The following TCERG1L variants were observed in gnomAD, a reference collection of about 807,000 sequenced individuals.
The protein encoded by TCERG1L is transcription elongation regulator 1-like protein.
TCERG1L carries 37 observed loss-of-function variants against 56.3 expected under a neutral mutation model. The observed-to-expected ratio is 0.66, with a 90% CI of 0.51 to 0.87. The LOEUF (loss-of-function observed/expected upper bound fraction) is 0.87. Among genes scored for constraint, TCERG1L ranks in the 40% least tolerant of loss-of-function variants. The pLI, the probability that TCERG1L is intolerant of heterozygous loss-of-function variation, is 0.00. For missense variants in TCERG1L, 799 were observed against 774.2 expected (o/e 1.03, Z -0.38); for synonymous variants, 324 against 326.3 (o/e 0.99, Z 0.08).
chr10:131,153,995 G>A (rs926605066), intron 6 of TCERG1L, among the ~76,000 whole-genome samples: 4 of 152,114 alleles, frequency 2.6e-5, no homozygotes, highest in African/African-American at 7.2e-5. Flanking sequence ...CCATCCACTC[G>A]TTACGGTTGG....
At chr10:131,257,082 TGTGA>T (rs1337262273) in intron 4 of TCERG1L, among the ~76,000 whole-genome samples, 1 of 147,372 alleles carries the variant, frequency 6.8e-6, no homozygotes, top group Non-Finnish European at 1.5e-5. Flanking sequence ...AAAAAAGTTC[TGTGA>T]GTAAGTGGAA....
At chr10:131,159,832 C>T (rs145424845) in intron 6 of TCERG1L, among the ~76,000 whole-genome samples, 68 of 152,190 alleles carry the variant, frequency 4.5e-4, no homozygotes, top group Non-Finnish European at 7.6e-4. Context: ...TGACAGAGCA[C>T]GCGGCCACAG....
At chr10:131,163,818 A>T (rs1282536521) in intron 5 of TCERG1L, among the ~76,000 whole-genome samples, 1 of 152,158 alleles carries the variant, frequency 6.6e-6, no homozygotes, top group Non-Finnish European at 1.5e-5. Flanking sequence ...GTTGGTCCAC[A>T]TTTCCATTAA....
At chr10:131,102,102 A>G (rs1443016213) in intron 10 of TCERG1L, among the ~76,000 whole-genome samples, 1 of 152,248 alleles carries the variant, frequency 6.6e-6, no homozygotes, top group African/African-American at 2.4e-5. Context: ...AAAATTATAT[A>G]ACACCCAAAC....
At chr10:131,211,815 ACGGCG>A (rs1845623985) in intron 4 of TCERG1L, among the ~76,000 whole-genome samples, 1 of 152,174 alleles carries the variant, frequency 6.6e-6, no homozygotes, top group African/African-American at 2.4e-5. Flanking sequence ...TCTAGTGCAG[ACGGCG>A]GCTGGGAGCA....
In TCERG1L at chr10:131,280,398, G is replaced by A. The variant is rs139798159; in HGVS notation, c.671-19954C>T. On this transcript the variant is annotated intron_variant, in intron 3 of 11. Coordinates refer to ENST00000368642, the MANE Select transcript of TCERG1L (RefSeq NM_174937.4). ...ATGAACCTTGGTTTGGTCTGGAAAC[G>A]AGGGACAACCCAAAGCCAAGTTGGG... Among the ~76,000 whole-genome samples, 98 of 144,060 alleles carry A rather than the reference G, an allele frequency of 6.8e-4. No homozygotes were observed. The East Asian group carries it at 0.014, about 21-fold the overall frequency. 94.5% of individuals were successfully genotyped at this position (144,060 alleles called of 152,430 possible). A position where few individuals can be genotyped will look rare whatever the true frequency, so the allele number is the denominator to read the frequency against.
intron 6 of TCERG1L, among the ~76,000 whole-genome samples, chr10:131,149,390 C>A (rs1202733008): frequency 3.3e-5 from 5 of 151,680 alleles, no homozygotes; most frequent in Non-Finnish European, 1.5e-5. Context: ...GCCAGGGATA[C>A]CTGACCTCTG....
At chr10:131,124,779 T>C (rs936260433) in intron 8 of TCERG1L, among the ~76,000 whole-genome samples, 2 of 152,186 alleles carry the variant, frequency 1.3e-5, no homozygotes, top group African/African-American at 4.8e-5. Context: ...GAGGGAACGC[T>C]GGGCGCTAAT....
rs34870419 is a variant in TCERG1L at position 131,144,583 on chromosome 10, TA to T, written c.1189+1922del. Reference sequence around the variant, plus strand: ...ATTTGCATATCCTTAAGATTCAGGTTAAAAAAAAAAAGACTGGTTGAAAACA... The same window carrying T: ...ATTTGCATATCCTTAAGATTCAGGTTAAAAAAAAAAGACTGGTTGAAAACA... On this transcript the variant is annotated intron_variant, in intron 7 of 11. Transcript: ENST00000368642. Among the ~76,000 whole-genome samples the T allele has an allele frequency of 0.017, 2,524 of 145,512 alleles. 165 individuals carry two copies. In the East Asian group the frequency reaches 0.24, roughly 14 times the overall value.
intron 4 of TCERG1L, among the ~76,000 whole-genome samples, chr10:131,169,374 C>T (rs1173697826): frequency 1.3e-5 from 2 of 152,146 alleles, no homozygotes; most frequent in Non-Finnish European, 2.9e-5. Flanking sequence ...GACTGAGGCA[C>T]AAGGGGGCAC....
chr10:131,094,149 C>T (rs973220867), intron 11 of TCERG1L, among the ~76,000 whole-genome samples: 6 of 152,194 alleles, frequency 3.9e-5, no homozygotes, highest in Admixed American at 6.5e-5. Flanking sequence ...CACCGGGCCC[C>T]GCAACTTCCT....
intron 1 of TCERG1L, among the ~76,000 whole-genome samples, chr10:131,309,772 T>C (rs570812393): frequency 6.2e-4 from 86 of 138,352 alleles, no homozygotes; most frequent in Non-Finnish European, 1.2e-3. Flanking sequence ...TGAAAATATC[T>C]AGGAAGTTAA....
rs537521471 is a variant in TCERG1L, at chr10:131,224,193, C to A, written c.856+36066G>T. 4.2e-4 allele frequency among the ~76,000 whole-genome samples: 64 copies of A among 152,266 alleles called. 1 individual carries two copies. The highest frequency in any genetic ancestry group is 1.5e-3 in the African/African-American group (63 of 41,552). On this transcript the variant is annotated intron_variant, in intron 4 of 11. Coordinates refer to ENST00000368642, the MANE Select transcript of TCERG1L (RefSeq NM_174937.4). ...GACCTGAACTCTGGAAACTCTCACC[C>A]CATTATTCCCTGGGGCTCCTCTCCA...
At chr10:131,249,321 C>A (rs1846079266) in intron 4 of TCERG1L, among the ~76,000 whole-genome samples, 1 of 152,206 alleles carries the variant, frequency 6.6e-6, no homozygotes, top group South Asian at 2.1e-4. Flanking sequence ...GGAAAGCCAC[C>A]CGGCTACCCC....
At chr10:131,278,169 C>T (rs1215214157) in intron 3 of TCERG1L, among the ~76,000 whole-genome samples, 1 of 151,938 alleles carries the variant, frequency 6.6e-6, no homozygotes, top group Non-Finnish European at 1.5e-5. Flanking sequence ...GACTCTGAAA[C>T]CCCAGGCAGA....
intron 3 of TCERG1L, among the ~76,000 whole-genome samples, chr10:131,287,566 C>A (rs1846559329): frequency 6.6e-6 from 1 of 152,076 alleles, no homozygotes; most frequent in Admixed American, 6.6e-5. Flanking sequence ...ATAAATGGCA[C>A]CTTGAAGTAC....
At chr10:131,121,098 C>A (rs1026836042) in intron 8 of TCERG1L, among the ~76,000 whole-genome samples, 1 of 152,194 alleles carries the variant, frequency 6.6e-6, no homozygotes, top group Non-Finnish European at 1.5e-5. Flanking sequence ...AGAGACTCTG[C>A]AGAAACAGCA....
chr10:131,174,165 G>T (rs536216666), intron 4 of TCERG1L, among the ~76,000 whole-genome samples: 1 of 152,304 alleles, frequency 6.6e-6, no homozygotes, highest in East Asian at 1.9e-4. Flanking sequence ...CTGCTGACCT[G>T]CCTGGAATAT....
chr10:131,180,728 A>G (rs1444240125), intron 4 of TCERG1L, among the ~76,000 whole-genome samples: 5 of 152,220 alleles, frequency 3.3e-5, no homozygotes, highest in African/African-American at 1.2e-4. Flanking sequence ...TAAAACCTCA[A>G]AATACCTTTT....
Sources: allele counts gnomAD v4.1 joint callset (sites outside exome capture counted in the v4.1 genomes callset), GRCh38; gene constraint gnomAD v4.1.1; transcripts MANE v1.5; gene names NCBI Gene and HGNC (gene_info 2026-07-23, HGNC 2026-07-21).